The following ANK2 variants were observed in gnomAD, a reference collection of about 807,000 sequenced individuals.
The protein encoded by ANK2 is ankyrin 2, also known as ankyrin-2.
Under a neutral mutation model 360.5 loss-of-function variants are expected in ANK2, and 83 were observed. That is an observed-to-expected ratio of 0.23 (90% confidence interval 0.19 to 0.28). The LOEUF (loss-of-function observed/expected upper bound fraction) is 0.28, where lower values mean the gene tolerates loss of function less well. Ranked by LOEUF, ANK2 falls within the 10% of genes least tolerant of loss-of-function variation. The probability of loss-of-function intolerance (pLI) is 1.00; values close to 1 mark genes in which losing one functional copy is unlikely to be tolerated. For missense variants in ANK2, 4,201 were observed against 4,795.7 expected (o/e 0.88, Z 3.66); for synonymous variants, 1,740 against 1,759.5 (o/e 0.99, Z 0.28).
rs556640912 is a variant in ANK2 at position 113,365,126 on chromosome 4, G to A, written c.10976G>A (p.Arg3659His). Residue 3659 changes from arginine (R) to histidine (H), a missense_variant, in exon 41 of 46, where the codon CGC becomes CAC. This residue lies in a region of ANK2 where 2,642 missense variants were observed against 2,714.5 expected (regional missense o/e 0.97). Coordinates refer to ENST00000357077, the MANE Select transcript of ANK2 (RefSeq NM_001148.6). ...ACCAACACAGAACCTCTCCAGGAGC[G>A]CATCAGTCATAGTTATGCAGAAATT... ...METNTEPLQE[R>H]ISHSYAEIEQ... The A allele has an allele frequency of 3.5e-5, 57 of 1,613,784 alleles. No homozygotes were observed. The Admixed American group carries it at 6.5e-4, about 18-fold the overall frequency.
intron 2 of ANK2, among the ~76,000 whole-genome samples, chr4:112,976,534 A>G (rs1375654273): frequency 1.3e-5 from 2 of 152,150 alleles, no homozygotes. Context: ...TGAGAGGCAC[A>G]TTCCTCATCT....
Position 113,357,409 on chromosome 4 carries a change from G to A in ANK2, c.8791G>A (p.Val2931Ile), listed in dbSNP as rs2095862107. 6.2e-7 allele frequency: 1 copy of A among 1,613,988 alleles called. No homozygotes were observed. The highest frequency in any genetic ancestry group is 8.5e-7 in the Non-Finnish European group (1 of 1,179,960). ...ACAAATCACTAGCCCTTATGAAAAT[G>A]TCCCTTCCCAATCTTTTTTCTCTAG... is the stretch of plus-strand genomic sequence containing the variant. ...DPQITSPYENVPSQSFFSSEE... is the reference protein window; with the variant it reads ...DPQITSPYENIPSQSFFSSEE... The change falls in exon 38 of 46, where the codon GTC (valine) becomes ATC (isoleucine). Residue 2931 changes from valine (V) to isoleucine (I), a missense_variant. This residue lies in a region of ANK2 where 2,642 missense variants were observed against 2,714.5 expected (regional missense o/e 0.97). Transcript: ENST00000357077.
At chr4:112,902,112 T>C (rs532767522) in intron 1 of ANK2, among the ~76,000 whole-genome samples, 1 of 152,256 alleles carries the variant, frequency 6.6e-6, no homozygotes, top group African/African-American at 2.4e-5. Flanking sequence ...AATAAACATG[T>C]ATGCAAAAGC....
chr4:112,866,502 G>A (rs192069847), intron 1 of ANK2, among the ~76,000 whole-genome samples: 7 of 152,278 alleles, frequency 4.6e-5, no homozygotes, highest in East Asian at 3.9e-4. Context: ...CTAAAAGACA[G>A]CATTGTTCCT....
chr4:112,854,900 T>C (rs903992159), intron 1 of ANK2, among the ~76,000 whole-genome samples: 15 of 151,946 alleles, frequency 9.9e-5, no homozygotes, highest in African/African-American at 3.6e-4. Flanking sequence ...ATGATTTAAT[T>C]TGGGTTATTT....
intron 2 of ANK2, among the ~76,000 whole-genome samples, chr4:112,979,413 G>T (rs2042417696): frequency 6.6e-6 from 1 of 152,202 alleles, no homozygotes; most frequent in Non-Finnish European, 1.5e-5. Flanking sequence ...CCCAAAGATG[G>T]TGTCACAGCC....
In ANK2 at chr4:113,358,371, T is replaced by C; in HGVS notation, c.9753T>C (p.Ala3251=). 2.5e-6 allele frequency: 4 copies of C among 1,614,120 alleles called. No individual in the cohort carries two copies. The highest frequency in any genetic ancestry group is 3.4e-6 in the Non-Finnish European group (4 of 1,179,968). The change falls in exon 38 of 46, where the codon GCT becomes GCC. Residue 3251 remains alanine, a synonymous_variant. Coordinates refer to ENST00000357077, the MANE Select transcript of ANK2 (RefSeq NM_001148.6). ...QISCPDSSEP[A]VQVQLDFSTL... ...CCTGCCCCGACTCTTCTGAACCAGC[T>C]GTACAAGTCCAGTTAGATTTTTCCA...
intron 1 of ANK2, among the ~76,000 whole-genome samples, chr4:112,878,211 G>A (rs895467704): frequency 2.4e-5 from 3 of 125,740 alleles, no homozygotes; most frequent in South Asian, 2.4e-4. Flanking sequence ...ATCTTCATCC[G>A]GCTGTCCAAT....
intron 4 of ANK2, among the ~76,000 whole-genome samples, chr4:113,225,139 T>A (rs928409190): frequency 6.6e-6 from 1 of 152,182 alleles, no homozygotes; most frequent in Non-Finnish European, 1.5e-5. Flanking sequence ...ACTTTCTCTG[T>A]ATCTGCCATC....
intron 1 of ANK2, among the ~76,000 whole-genome samples, chr4:113,143,080 T>C (rs2096698108): frequency 6.6e-6 from 1 of 152,040 alleles, no homozygotes; most frequent in Admixed American, 6.6e-5. Flanking sequence ...CTATCTGTGG[T>C]TGTCTTTTAT....
chr4:113,219,750 T>C (rs989579398), intron 4 of ANK2, among the ~76,000 whole-genome samples: 2 of 152,182 alleles, frequency 1.3e-5, no homozygotes, highest in African/African-American at 4.8e-5. Context: ...AAATTATGTT[T>C]TTCTTACTAT....
chr4:113,367,940 A>T, intron 42 of ANK2, 89 bp downstream of exon 42: 1 of 1,507,140 alleles, frequency 6.6e-7, no homozygotes, highest in Non-Finnish European at 9.2e-7. Flanking sequence ...ACTAGTTTTT[A>T]AATACTTTTT....
At chr4:113,055,837 T>A (rs1229995807) in intron 1 of ANK2, among the ~76,000 whole-genome samples, 1 of 152,122 alleles carries the variant, frequency 6.6e-6, no homozygotes, top group African/African-American at 2.4e-5. Flanking sequence ...TGTAAGGTAG[T>A]CTTCTGTGTC....
chr4:113,104,500 G>T (rs2093368720), intron 1 of ANK2, among the ~76,000 whole-genome samples: 1 of 152,182 alleles, frequency 6.6e-6, no homozygotes, highest in South Asian at 2.1e-4. Context: ...GATCACCTGA[G>T]ATCAGGAGTT....
In ANK2 at chr4:113,235,430, G is replaced by A. The variant is rs1235329011; in HGVS notation, c.484-1557G>A. 8.5e-5 allele frequency among the ~76,000 whole-genome samples: 13 copies of A among 152,102 alleles called. 1 individual carries two copies. Among genetic ancestry groups the A allele is most frequent in the Admixed American group, 8.5e-4 (13 of 15,284 alleles). ...CTTGAGGAAAATTATTTTTTCCTCA[G>A]AAGTCTGCAGTGACTTTAAAAAAAT... On this transcript the variant is annotated intron_variant, in intron 5 of 45. Transcript: ENST00000357077.
At chr4:112,753,108 G>A in the ANK2 span, among the ~76,000 whole-genome samples, 1 of 152,302 alleles carries the variant, frequency 6.6e-6, no homozygotes, top group Admixed American at 6.5e-5. Context: ...TTTTCCTCGA[G>A]CCTCAGGCCA....
chr4:113,061,841 A>G (rs2073567069), intron 1 of ANK2, among the ~76,000 whole-genome samples: 1 of 152,190 alleles, frequency 6.6e-6, no homozygotes, highest in Admixed American at 6.6e-5. Context: ...ATTTAAAAAT[A>G]ACTGAAAGAG....
At chr4:113,187,435 C>CT (rs1357704417) in intron 2 of ANK2, among the ~76,000 whole-genome samples, 3 of 152,134 alleles carry the variant, frequency 2.0e-5, no homozygotes, top group Admixed American at 6.5e-5. Flanking sequence ...CACTTTGGCC[C>CT]TTTTTAACAA....
chr4:112,713,928 C>T, the ANK2 span, among the ~76,000 whole-genome samples: 4 of 123,636 alleles, frequency 3.2e-5, no homozygotes, highest in Non-Finnish European at 3.4e-5. Flanking sequence ...AGCGAGACTC[C>T]GTCTCAAAAA....
Sources: gnomAD v4.1 joint callset for allele counts (sites outside exome capture counted in the v4.1 genomes callset) on GRCh38, gnomAD v4.1.1 for gene constraint, gnomAD v4.1.1 regional missense constraint, MANE v1.5 for transcripts, NCBI Gene and HGNC (gene_info 2026-07-23, HGNC 2026-07-21) for gene names.